Variants in PIEZO2 observed in about 807,000 individuals in gnomAD.
PIEZO2 encodes the protein piezo type mechanosensitive ion channel component 2.
Under a neutral mutation model 337.3 loss-of-function variants are expected in PIEZO2, and 172 were observed. The ratio of observed to expected loss-of-function variants is 0.51; its 90% CI spans 0.45 to 0.58. The LOEUF (loss-of-function observed/expected upper bound fraction) is 0.58, where lower values mean the gene tolerates loss of function less well. Among genes scored for constraint, PIEZO2 ranks in the 20% least tolerant of loss-of-function variants. The probability of loss-of-function intolerance (pLI) is 0.00; values close to 1 mark genes in which losing one functional copy is unlikely to be tolerated. For missense variants in PIEZO2, 3,028 were observed against 3,391.3 expected, an observed-to-expected ratio of 0.89 and a Z score of 2.66; for synonymous variants, 1,251 against 1,228.5, an observed-to-expected ratio of 1.02 and a Z score of -0.38.
chr18:10,768,511 C>A (rs1048132926), intron 21 of PIEZO2, among the ~76,000 whole-genome samples: 2 of 152,270 alleles, frequency 1.3e-5, no homozygotes, highest in Middle Eastern at 3.4e-3. Context: ...ACGCACAACA[C>A]GAGTGGCTGA....
At chr18:11,119,428 G>A (rs978506962) in intron 1 of PIEZO2, among the ~76,000 whole-genome samples, 2 of 152,116 alleles carry the variant, frequency 1.3e-5, no homozygotes, top group Admixed American at 6.6e-5. Flanking sequence ...GTGAGCCACC[G>A]CGCCCGGCCA....
rs1045297331 is a variant in PIEZO2 at position 11,048,133 on chromosome 18, CCCTGCT to C, written c.160+17988_160+17993del. ...GTGACACCTCTTCAAGCCTGAAAGC[CCCTGCT>C]CCTGACTGCCCGAGGAGACTATTAG... On this transcript the variant is annotated intron_variant, in intron 2 of 55. Coordinates refer to ENST00000674853, the MANE Select transcript of PIEZO2 (RefSeq NM_001378183.1). The surrounding 1 kb of genome is among the most constrained non-coding windows in gnomAD (Gnocchi z 4.5). Among the ~76,000 whole-genome samples, 2 of 152,182 alleles carry C rather than the reference CCCTGCT, an allele frequency of 1.3e-5. No homozygotes were observed. Among genetic ancestry groups the C allele is most frequent in the Non-Finnish European group, 2.9e-5 (2 of 68,030 alleles).
intron 3 of PIEZO2, among the ~76,000 whole-genome samples, chr18:10,915,300 A>G (rs1210355441): frequency 7.2e-6 from 1 of 139,614 alleles, no homozygotes; most frequent in Non-Finnish European, 1.5e-5. Flanking sequence ...TGGCATCCCC[A>G]TCTGCCTCTG....
intron 49 of PIEZO2, among the ~76,000 whole-genome samples, chr18:10,687,848 G>A (rs919999862): frequency 1.3e-5 from 2 of 152,166 alleles, no homozygotes; most frequent in African/African-American, 4.8e-5. Flanking sequence ...TGACACCATC[G>A]AATAACACCC....
chr18:10,803,866 A>C lies in PIEZO2; in HGVS notation c.1200+9T>G. On this transcript the variant is annotated intron_variant, in intron 9 of 55. Coordinates refer to ENST00000674853, the MANE Select transcript of PIEZO2 (RefSeq NM_001378183.1). The stretch of plus-strand genomic sequence containing the variant: ...TTAGGGAACGGAAATCCCTTTCATC[A>C]TGGCTTACTTTTCTCTCATCAGTGG... 1 of 1,536,374 alleles carries C rather than the reference A, an allele frequency of 6.5e-7. No homozygotes were observed. Among genetic ancestry groups the C allele is most frequent in the Non-Finnish European group, 8.7e-7 (1 of 1,146,720 alleles).
chr18:10,994,661 G>A (rs2145573916), intron 2 of PIEZO2, among the ~76,000 whole-genome samples: 1 of 151,520 alleles, frequency 6.6e-6, no homozygotes, highest in Admixed American at 6.6e-5. Context: ...ACCCGCCTCA[G>A]CCTCCCAAAG....
intron 1 of PIEZO2, among the ~76,000 whole-genome samples, chr18:11,100,835 T>C (rs1568373598): frequency 1.3e-5 from 2 of 152,204 alleles, no homozygotes. Flanking sequence ...GACCTCGTGA[T>C]CCGCCCACCT....
intron 2 of PIEZO2, among the ~76,000 whole-genome samples, chr18:10,995,081 A>AAAAAAAAAAAAGAAAG (rs1568276791): frequency 2.0e-5 from 3 of 147,624 alleles, no homozygotes; most frequent in Admixed American, 6.8e-5. Context: ...CCGTCTCAAA[A>AAAAAAAAAAAAGAAAG]AAAAAAAAAA....
In PIEZO2 at chr18:10,847,166, TA is replaced by T. The variant is rs1393282800; in HGVS notation, c.917+8186del. On this transcript the variant is annotated intron_variant, in intron 7 of 55. Coordinates refer to ENST00000674853, the MANE Select transcript of PIEZO2 (RefSeq NM_001378183.1). This position sits in a 1 kb window ranked among gnomAD's most constrained non-coding sequence, Gnocchi z 5.7. ...CTGTTGAGCATTAGCAGAATCCTCT[TA>T]GTGTGGTATTATTAAATCAGTGGAA... Among the ~76,000 whole-genome samples the T allele has an allele frequency of 1.3e-5, 2 of 152,150 alleles. No individual in the cohort carries two copies. The highest frequency in any genetic ancestry group is 2.9e-5 in the Non-Finnish European group (2 of 68,012).
At chr18:10,818,369 G>A (rs1285352679) in intron 7 of PIEZO2, among the ~76,000 whole-genome samples, 2 of 152,188 alleles carry the variant, frequency 1.3e-5, no homozygotes, top group East Asian at 1.9e-4. Context: ...GCAGGTGAAT[G>A]AAGTTGAACA....
chr18:11,114,337 G>T (rs1237792659), intron 1 of PIEZO2, among the ~76,000 whole-genome samples: 1 of 152,196 alleles, frequency 6.6e-6, no homozygotes, highest in East Asian at 1.9e-4. Flanking sequence ...AAAGAGGCAT[G>T]TACAACTGTC....
At chr18:11,060,842 G>T (rs1179988878) in intron 2 of PIEZO2, among the ~76,000 whole-genome samples, 10 of 147,628 alleles carry the variant, frequency 6.8e-5, no homozygotes, top group Non-Finnish European at 1.5e-4. Context: ...GGAGGAGCTG[G>T]TACCATTCCT....
intron 4 of PIEZO2, among the ~76,000 whole-genome samples, chr18:10,901,209 C>T (rs978076992): frequency 1.3e-5 from 2 of 152,086 alleles, no homozygotes; most frequent in Non-Finnish European, 2.9e-5. Context: ...TGTATCAAAG[C>T]AAAAGGGCTC....
At chr18:10,755,709 A>G (rs145059629) in intron 27 of PIEZO2, among the ~76,000 whole-genome samples, 4,321 of 152,196 alleles carry the variant, frequency 0.028, 95 homozygotes, top group Non-Finnish European at 0.045. Flanking sequence ...GCTGCTAGGG[A>G]GCCCTTGCAT....
intron 3 of PIEZO2, among the ~76,000 whole-genome samples, chr18:10,932,124 A>C (rs898545208): frequency 3.3e-5 from 5 of 152,236 alleles, no homozygotes; most frequent in African/African-American, 1.2e-4. Flanking sequence ...TTTTGCCTAC[A>C]AAACAACAAT....
intron 40 of PIEZO2, among the ~76,000 whole-genome samples, chr18:10,706,777 G>T (rs1404109103): frequency 6.6e-6 from 1 of 152,182 alleles, no homozygotes; most frequent in African/African-American, 2.4e-5. Flanking sequence ...GACGGGAGAG[G>T]GGCAAAACCC....
intron 35 of PIEZO2, among the ~76,000 whole-genome samples, chr18:10,734,266 C>G (rs2144096828): frequency 6.6e-6 from 1 of 152,278 alleles, no homozygotes; most frequent in South Asian, 2.1e-4. Flanking sequence ...AAATACTACA[C>G]TAAAAAACAG....
chr18:10,910,393 G>A (rs1289929596), intron 4 of PIEZO2, among the ~76,000 whole-genome samples: 1 of 152,164 alleles, frequency 6.6e-6, no homozygotes, highest in Admixed American at 6.5e-5. Context: ...GACCAGTCTG[G>A]CCAACATAGT....
Position 11,148,506 on chromosome 18 carries a change from GAAA to G in PIEZO2, c.64+16_64+18del. The G allele has an allele frequency of 6.5e-7, 1 of 1,537,068 alleles. No individual in the cohort carries two copies. Among genetic ancestry groups the G allele is most frequent in the Non-Finnish European group, 8.7e-7 (1 of 1,146,800 alleles). ...CCCTCGTCCTCCTCAAGTGCCCTCGGAAAGCGGACCAGACTCACCTACTGCCAG... is the reference window on the plus strand; with the variant it reads ...CCCTCGTCCTCCTCAAGTGCCCTCGGGCGGACCAGACTCACCTACTGCCAG... On this transcript the variant is annotated intron_variant, in intron 1 of 55. Transcript: ENST00000674853. The surrounding 1 kb of genome is among the most constrained non-coding windows in gnomAD (Gnocchi z 5.2).
Sources: gnomAD v4.1 joint callset for allele counts (sites outside exome capture counted in the v4.1 genomes callset) on GRCh38, gnomAD v4.1.1 for gene constraint, Gnocchi (gnomAD v3.1) non-coding constraint, MANE v1.5 for transcripts, NCBI Gene and HGNC (gene_info 2026-07-23, HGNC 2026-07-21) for gene names.